ADD1: variants seen among roughly 807,000 people sequenced by gnomAD.
The protein encoded by ADD1 is alpha-adducin.
In ADD1, 24 loss-of-function variants were observed where a neutral mutation model predicts 80.5. The ratio of observed to expected loss-of-function variants is 0.30; its 90% confidence interval spans 0.22 to 0.42. ADD1 has a LOEUF of 0.42. Among genes scored for constraint, ADD1 ranks in the 10% least tolerant of loss-of-function variants. The probability of loss-of-function intolerance (pLI) is 1.00; values close to 1 mark genes in which losing one functional copy is unlikely to be tolerated. For synonymous variants in ADD1, 373 were observed against 393.8 expected, an observed-to-expected ratio of 0.95 and a Z score of 0.63; for missense variants, 948 against 1,019.0, an observed-to-expected ratio of 0.93 and a Z score of 0.95.
intron 1 of ADD1, among the ~76,000 whole-genome samples, chr4:2,845,628 C>T (rs1445844025): frequency 6.6e-6 from 1 of 152,092 alleles, no homozygotes; most frequent in African/African-American, 2.4e-5. Context: ...AGATAGTTTT[C>T]CTTCTAAAAT....
Position 2,928,777 on chromosome 4 carries a change from C to T in ADD1, c.*254C>T. On this transcript the variant is annotated 3_prime_UTR_variant, in exon 16 of 16. Coordinates refer to ENST00000683351, the MANE Select transcript of ADD1 (RefSeq NM_001354761.2). Reference sequence around the variant, plus strand: ...ACATGCTCTCCCCACAGGGGGGAGGCACTAAGTCATGGTCCTGGCTGGAAG... The same window carrying T: ...ACATGCTCTCCCCACAGGGGGGAGGTACTAAGTCATGGTCCTGGCTGGAAG... 2 of 486,006 alleles carry T rather than the reference C, an allele frequency of 4.1e-6. No individual in the cohort carries two copies. Among genetic ancestry groups the T allele is most frequent in the Non-Finnish European group, 3.6e-6 (1 of 279,124 alleles). 30.1% of individuals were successfully genotyped at this position (486,006 alleles called of 1,614,324 possible).
intron 2 of ADD1, among the ~76,000 whole-genome samples, chr4:2,877,338 T>A (rs1731522389): frequency 6.6e-6 from 1 of 152,182 alleles, no homozygotes; most frequent in Non-Finnish European, 1.5e-5. Context: ...TCTTATGTGC[T>A]GTTTAAGGAA....
At chr4:2,898,118 T>G in intron 6 of ADD1, 66 bp from the exon 7 acceptor site, 3 of 1,515,416 alleles carry the variant, frequency 2.0e-6, no homozygotes, top group Non-Finnish European at 2.7e-6. Flanking sequence ...GGAAAGCATT[T>G]ACCATATCAT....
Position 2,928,355 on chromosome 4 carries a change from C to T in ADD1, c.2232C>T (p.Ala744=). The stretch of plus-strand genomic sequence containing the variant: ...CTACTGAGGCCAGCCCCGAGCCAGC[C>T]CCAGACCCAGCCCCGGTGGCTGAAG... ...EAPTEASPEP[A]PDPAPVAEEA... Residue 744 remains alanine, a synonymous_variant, in exon 16 of 16, where the codon GCC becomes GCT. Coordinates refer to ENST00000683351, the MANE Select transcript of ADD1 (RefSeq NM_001354761.2). 1.1e-5 allele frequency: 18 copies of T among 1,613,758 alleles called. No individual in the cohort carries two copies. The highest frequency in any genetic ancestry group is 1.4e-5 in the Non-Finnish European group (17 of 1,179,914).
chr4:2,887,291 A>G (rs1733540243), intron 4 of ADD1, among the ~76,000 whole-genome samples: 1 of 152,216 alleles, frequency 6.6e-6, no homozygotes, highest in Non-Finnish European at 1.5e-5. Context: ...ATACAGTGTC[A>G]ACAAAAAGTG....
chr4:2,904,122 T>A (rs1218694368), intron 9 of ADD1, among the ~76,000 whole-genome samples: 8 of 152,208 alleles, frequency 5.3e-5, no homozygotes, highest in African/African-American at 1.9e-4. Context: ...AAACCCTGTT[T>A]GGGTGTTCAA....
intron 6 of ADD1, among the ~76,000 whole-genome samples, chr4:2,896,839 A>T (rs990653952): frequency 5.9e-5 from 9 of 152,090 alleles, no homozygotes; most frequent in African/African-American, 2.2e-4. Context: ...GCTCACTGCA[A>T]CTTGCATCTC....
intron 9 of ADD1, among the ~76,000 whole-genome samples, chr4:2,904,011 A>C (rs1446158183): frequency 6.6e-5 from 10 of 152,244 alleles, no homozygotes; most frequent in African/African-American, 2.2e-4. Context: ...TACTTACCTT[A>C]CTTACCTAAA....
At chr4:2,914,710 T>C (rs1459097577) in intron 13 of ADD1, 174 bp from the exon 14 acceptor site, 2 of 646,026 alleles carry the variant, frequency 3.1e-6, no homozygotes, top group Non-Finnish European at 5.3e-6. Context: ...GTTTCCATTA[T>C]ATACCACTGA....
chr4:2,893,910 TAGCTCACTC>T, intron 4 of ADD1, 94 bp from the exon 5 acceptor site: 1 of 1,035,782 alleles, frequency 9.7e-7, no homozygotes, highest in Non-Finnish European at 1.5e-6. Flanking sequence ...CTTCCCTGCA[TAGCTCACTC>T]AGTGTTCTGA....
At chr4:2,894,754 T>A in intron 6 of ADD1, 23 bp downstream of exon 6, 1 of 1,582,360 alleles carries the variant, frequency 6.3e-7, no homozygotes, top group Non-Finnish European at 8.5e-7. Context: ...CCTGGTAGCA[T>A]CTCAAGGTCT....
At chr4:2,903,860 T>C (rs1736602593) in intron 9 of ADD1, among the ~76,000 whole-genome samples, 1 of 152,140 alleles carries the variant, frequency 6.6e-6, no homozygotes, top group African/African-American at 2.4e-5. Context: ...GATGAGTTGG[T>C]CCAGTAGAGG....
chr4:2,908,219 G>A (rs1231277282), intron 11 of ADD1, among the ~76,000 whole-genome samples: 1 of 152,246 alleles, frequency 6.6e-6, no homozygotes, highest in African/African-American at 2.4e-5. Flanking sequence ...ATCACTAGAC[G>A]ATGGACATGC....
At chr4:2,888,148 C>T (rs958924450) in intron 4 of ADD1, among the ~76,000 whole-genome samples, 2 of 150,080 alleles carry the variant, frequency 1.3e-5, no homozygotes, top group African/African-American at 2.5e-5. Flanking sequence ...CAACCTCTGC[C>T]GCCTCGGTTC....
chr4:2,927,517 G>A (rs562510052), intron 15 of ADD1, among the ~76,000 whole-genome samples: 7 of 152,348 alleles, frequency 4.6e-5, no homozygotes, highest in East Asian at 1.9e-4. Flanking sequence ...GCGGGTGCCC[G>A]GGTAAGTGCA....
rs112279120 is a variant in ADD1, at chr4:2,867,501, C to G, written c.-20-8395C>G. 5.2e-3 allele frequency among the ~76,000 whole-genome samples: 791 copies of G among 152,304 alleles called. 4 individuals are homozygous for G. Among genetic ancestry groups the G allele is most frequent in the African/African-American group, 0.018 (742 of 41,552 alleles). On this transcript the variant is annotated intron_variant, in intron 1 of 15. Transcript: ENST00000683351. ...CAAACCATAGTCTTAATTTCAGATT[C>G]TTGCTTCTCCACTTACTGCCTACTA...
At chr4:2,883,132 G>A (rs925659033) in intron 3 of ADD1, among the ~76,000 whole-genome samples, 5 of 152,162 alleles carry the variant, frequency 3.3e-5, no homozygotes, top group Non-Finnish European at 5.9e-5. Context: ...TAAGTGCTGG[G>A]ATTACGAACA....
intron 2 of ADD1, among the ~76,000 whole-genome samples, chr4:2,881,212 G>A (rs1375574311): frequency 1.3e-5 from 2 of 150,616 alleles, no homozygotes; most frequent in African/African-American, 2.4e-5. Context: ...CAAGTAGCTG[G>A]GATTACAGGC....
intron 13 of ADD1, 105 bp from the exon 14 acceptor site, chr4:2,914,779 T>C (rs1025761194): frequency 1.9e-4 from 256 of 1,368,410 alleles, no homozygotes; most frequent in Middle Eastern, 2.6e-4. Flanking sequence ...GGGTCTCTGC[T>C]CCTGGAAAGC....
Sources: allele counts gnomAD v4.1 joint callset (sites outside exome capture counted in the v4.1 genomes callset), GRCh38; gene constraint gnomAD v4.1.1; transcripts MANE v1.5; gene names NCBI Gene and HGNC (gene_info 2026-07-23, HGNC 2026-07-21).